The following KCNA7 variants were observed in gnomAD, a reference collection of about 807,000 sequenced individuals.
KCNA7 encodes potassium channel, voltage gated shaker related subfamily A, member 7.
Under a neutral mutation model 21.5 loss-of-function variants are expected in KCNA7, and 15 were observed. The ratio of observed to expected loss-of-function variants is 0.70; its 90% CI spans 0.47 to 1.07. KCNA7 has a LOEUF of 1.07. KCNA7 is among the 50% of genes least tolerant of loss of function. The pLI, the probability that KCNA7 is intolerant of heterozygous loss-of-function variation, is 0.00. For synonymous variants in KCNA7, 298 were observed against 291.0 expected, an observed-to-expected ratio of 1.02 and a Z score of -0.24; for missense variants, 640 against 651.6, an observed-to-expected ratio of 0.98 and a Z score of 0.19.
In KCNA7 at chr19:49,067,514, G is replaced by C. The variant is rs2040225266; in HGVS notation, c.*2549C>G. On this transcript the variant is annotated 3_prime_UTR_variant, in exon 2 of 2. Transcript: ENST00000221444. ...TTCCTCTAAATGCCCTTTGAGTTCT[G>C]AAAGATTTCTGAAAATGTTCGGCCT... The C allele has an allele frequency of 6.6e-6, 1 of 152,222 alleles. No individual in the cohort carries two copies. The highest frequency in any genetic ancestry group is 6.5e-5 in the Admixed American group (1 of 15,268). 9.4% of individuals were successfully genotyped at this position (152,222 alleles called of 1,614,324 possible).
Position 49,071,554 on chromosome 19 carries a change from T to TAA in KCNA7, c.555+476_555+477insTT, listed in dbSNP as rs1476567882. On this transcript the variant is annotated intron_variant, in intron 1 of 1. Coordinates refer to ENST00000221444, the MANE Select transcript of KCNA7 (RefSeq NM_031886.3). ...CTGGGCGACAGAGCAAGACTCTGTC[T>TAA]CACAGGAAATAAAAAAAAAAAGACC... is the stretch of plus-strand genomic sequence containing the variant. Among the ~76,000 whole-genome samples the TAA allele has an allele frequency of 3.8e-4, 56 of 147,386 alleles. No homozygotes were observed. In the Middle Eastern group the frequency reaches 0.027, roughly 72 times the overall value.
Position 49,072,566 on chromosome 19 carries a change from G to A in KCNA7, c.20C>T (p.Pro7Leu), listed in dbSNP as rs1277371687. 1 of 1,343,646 alleles carries A rather than the reference G, an allele frequency of 7.4e-7. No homozygotes were observed. The highest frequency in any genetic ancestry group is 9.5e-7 in the Non-Finnish European group (1 of 1,054,046). The allele number at this position is 1,343,646 out of a possible 1,614,324, so 83.2% of individuals were successfully genotyped here. MEPRCP[P>L]PCGCCERLVL... ...CAGCCGCTCGCAGCAGCCGCACGGC[G>A]GCGGGCACCGCGGCTCCATGGCGCG... Residue 7 changes from proline (P) to leucine (L), a missense_variant, in exon 1 of 2, where the codon CCG (proline) becomes CTG (leucine). Transcript: ENST00000221444.
At position 49,068,948 on chromosome 19, in the gene KCNA7, G is replaced by A. The variant is rs963450011; in HGVS notation, c.*1115C>T. On this transcript the variant is annotated 3_prime_UTR_variant, in exon 2 of 2. Transcript: ENST00000221444. ...AATGAAGTGGATGTGGGGTAAACAG[G>A]AGGAGCATCCACCTCTTCCTAATTT... 2 of 152,164 alleles carry A rather than the reference G, an allele frequency of 1.3e-5. No individual in the cohort carries two copies. Among genetic ancestry groups the A allele is most frequent in the African/African-American group, 4.8e-5 (2 of 41,410 alleles). The allele number at this position is 152,164 out of a possible 1,614,324, so 9.4% of individuals were successfully genotyped here. A position where few individuals can be genotyped will look rare whatever the true frequency, so the allele number is the denominator to read the frequency against.
At chr19:49,071,780 C>G (rs900445003) in intron 1 of KCNA7, among the ~76,000 whole-genome samples, 5 of 152,156 alleles carry the variant, frequency 3.3e-5, no homozygotes, top group African/African-American at 1.2e-4. Context: ...TTTTAAGGTT[C>G]CTGTCCTCCT....
In KCNA7 at chr19:49,072,496, C is replaced by G. The variant is rs2040267516; in HGVS notation, c.90G>C (p.Thr30=). ...GCAGAGTGTCCGGGAAGCGGCCCAGCGTGCGCGCCCGCGTCTCGAAGCGCA... is the reference window on the plus strand; with the variant it reads ...GCAGAGTGTCCGGGAAGCGGCCCAGGGTGCGCGCCCGCGTCTCGAAGCGCA... The part of the protein sequence containing the change: ...AGLRFETRAR[T]LGRFPDTLLG... Residue 30 remains threonine (T), a synonymous_variant, in exon 1 of 2, where the codon ACG becomes ACC. Coordinates refer to ENST00000221444, the MANE Select transcript of KCNA7 (RefSeq NM_031886.3). The G allele has an allele frequency of 1.3e-6, 2 of 1,497,916 alleles. No individual in the cohort carries two copies. Among genetic ancestry groups the G allele is most frequent in the Non-Finnish European group, 1.8e-6 (2 of 1,135,260 alleles). The allele number at this position is 1,497,916 out of a possible 1,614,324, so 92.8% of individuals were successfully genotyped here. A position where few individuals can be genotyped will look rare whatever the true frequency, so the allele number is the denominator to read the frequency against.
At position 49,072,028 on chromosome 19, in the gene KCNA7, C is replaced by G. The variant is rs751489237; in HGVS notation, c.555+3G>C. 3.1e-6 allele frequency: 5 copies of G among 1,592,698 alleles called. No homozygotes were observed. Among genetic ancestry groups the G allele is most frequent in the Non-Finnish European group, 4.3e-6 (5 of 1,171,306 alleles). ...CCGTCTCCACCCACGCCCCGCCTCTCACCGGGCCGGCTGCGGCTGCAGCAG... is the reference window on the plus strand; with the variant it reads ...CCGTCTCCACCCACGCCCCGCCTCTGACCGGGCCGGCTGCGGCTGCAGCAG... On this transcript the variant is annotated splice_donor_region_variant and intron_variant, in intron 1 of 1. Coordinates refer to ENST00000221444, the MANE Select transcript of KCNA7 (RefSeq NM_031886.3).
rs759667585 is a variant in KCNA7 at position 49,070,477 on chromosome 19, G to A, written c.957C>T (p.Leu319=). ...TGGAAAAGAGGACCACACCGATGAA[G>A]AGGAAAAAGATGAGGAGGCCCAGCT... ...MRELGLLIFF[L]FIGVVLFSSA... Residue 319 remains leucine, a synonymous_variant, in exon 2 of 2, where the codon CTC becomes CTT. Coordinates refer to ENST00000221444, the MANE Select transcript of KCNA7 (RefSeq NM_031886.3). The surrounding 1 kb of genome is among the most constrained non-coding windows in gnomAD (Gnocchi z 4.3). 1.9e-6 allele frequency: 3 copies of A among 1,614,124 alleles called. No homozygotes were observed. The highest frequency in any genetic ancestry group is 2.5e-6 in the Non-Finnish European group (3 of 1,180,006).
Position 49,072,588 on chromosome 19 carries a change from C to A in KCNA7, c.-3G>T, listed in dbSNP as rs2040268481. The A allele has an allele frequency of 4.0e-6, 5 of 1,260,680 alleles. No individual in the cohort carries two copies. The highest frequency in any genetic ancestry group is 5.0e-6 in the Non-Finnish European group (5 of 1,007,860). The allele number at this position is 1,260,680 out of a possible 1,614,324, so 78.1% of individuals were successfully genotyped here. On this transcript the variant is annotated 5_prime_UTR_variant, in exon 1 of 2. Coordinates refer to ENST00000221444, the MANE Select transcript of KCNA7 (RefSeq NM_031886.3). The stretch of plus-strand genomic sequence containing the variant: ...GGCGGCGGGCACCGCGGCTCCATGG[C>A]GCGCGCAGCCCCGGCGACCCGCGAA...
At chr19:49,071,912 C>G in intron 1 of KCNA7, 119 bp downstream of exon 1, 5 of 553,958 alleles carry the variant, frequency 9.0e-6, no homozygotes, top group East Asian at 4.9e-5. Context: ...CCCACCCTGT[C>G]TTCGGCTGGC....
chr19:49,072,035 C>G lies in KCNA7; in HGVS notation c.551G>C (p.Gly184Ala). Residue 184 changes from glycine (G) to alanine (A), a missense_variant, in exon 1 of 2, where the codon GGC (glycine) becomes GCC (alanine). Physicochemically the swap from Gly to Ala is moderately conservative, Grantham distance 60. Transcript: ENST00000221444. ...GTGLAAAAAA[G>A]PFPAPLNGSS... The stretch of plus-strand genomic sequence containing the variant: ...CACCCACGCCCCGCCTCTCACCGGG[C>G]CGGCTGCGGCTGCAGCAGCAAGCCC... 1 of 1,596,926 alleles carries G rather than the reference C, an allele frequency of 6.3e-7. No homozygotes were observed. Among genetic ancestry groups the G allele is most frequent in the East Asian group, 2.3e-5 (1 of 44,102 alleles).
Position 49,069,870 on chromosome 19 carries a change from T to C in KCNA7, c.*193A>G, listed in dbSNP as rs1483044734. The stretch of plus-strand genomic sequence containing the variant: ...AACACAACCCATTGCCATTCGCTGC[T>C]GCTTCAGGAGGTACCCACAGGAGCT... On this transcript the variant is annotated 3_prime_UTR_variant, in exon 2 of 2. Transcript: ENST00000221444. The C allele has an allele frequency of 3.4e-6, 2 of 582,560 alleles. No individual in the cohort carries two copies. Among genetic ancestry groups the C allele is most frequent in the Non-Finnish European group, 6.1e-6 (2 of 328,336 alleles). 36.1% of individuals were successfully genotyped at this position (582,560 alleles called of 1,614,324 possible). A position where few individuals can be genotyped will look rare whatever the true frequency, so the allele number is the denominator to read the frequency against.
Position 49,072,333 on chromosome 19 carries a change from G to T in KCNA7, c.253C>A (p.Pro85Thr), listed in dbSNP as rs1253551350. ...GGRLRRPAHV[P>T]LDVFLEEVAF... ...ACCTCTTCCAGGAAGACGTCGAGCG[G>T]CACGTGCGCCGGCCGCCGCAGCCGC... The change falls in exon 1 of 2, where the codon CCG becomes ACG. Residue 85 changes from proline (P) to threonine (T), a missense_variant. Coordinates refer to ENST00000221444, the MANE Select transcript of KCNA7 (RefSeq NM_031886.3). 6.3e-7 allele frequency: 1 copy of T among 1,591,964 alleles called. No homozygotes were observed.
intron 1 of KCNA7, among the ~76,000 whole-genome samples, chr19:49,071,158 C>A (rs1298304933): frequency 5.9e-5 from 9 of 152,126 alleles, no homozygotes. Flanking sequence ...AACCTCTTCT[C>A]TCTCAAAGTC....
chr19:49,071,118 T>C lies in KCNA7; in HGVS notation c.556-240A>G, dbSNP rs61697570. Among the ~76,000 whole-genome samples the C allele has an allele frequency of 1.5e-3, 234 of 152,178 alleles. 1 individual carries two copies. Among genetic ancestry groups the C allele is most frequent in the African/African-American group, 5.5e-3 (228 of 41,530 alleles). ...TGGAGACGTGGTCCCTGCCCCTTCA[T>C]GCGTGGGAACTCATGTTTGAGTAGG... On this transcript the variant is annotated intron_variant, in intron 1 of 1. Coordinates refer to ENST00000221444, the MANE Select transcript of KCNA7 (RefSeq NM_031886.3).
rs201357578 is a variant in KCNA7 at position 49,070,735 on chromosome 19, G to A, written c.699C>T (p.Ser233=). Reference sequence around the variant, plus strand: ...TCACGTTCTTGAAGAAGATAGCCTTGCTTGGACAGACCAGGAGGCGTACCA... The same window carrying A: ...TCACGTTCTTGAAGAAGATAGCCTTACTTGGACAGACCAGGAGGCGTACCA... ...ELLVRLLVCP[S]KAIFFKNVMN... The change falls in exon 2 of 2, where the codon AGC becomes AGT. Residue 233 remains serine (S), a synonymous_variant. Coordinates refer to ENST00000221444, the MANE Select transcript of KCNA7 (RefSeq NM_031886.3). This position sits in a 1 kb window ranked among gnomAD's most constrained non-coding sequence, Gnocchi z 4.3. 1,328 of 1,614,214 alleles carry A rather than the reference G, an allele frequency of 8.2e-4. 1 individual carries two copies. The highest frequency in any genetic ancestry group is 1.0e-3 in the Non-Finnish European group (1,211 of 1,180,054).
At position 49,069,009 on chromosome 19, in the gene KCNA7, G is replaced by A. The variant is rs558193275; in HGVS notation, c.*1054C>T. 6.6e-6 allele frequency: 1 copy of A among 152,228 alleles called. No individual in the cohort carries two copies. The highest frequency in any genetic ancestry group is 2.1e-4 in the South Asian group (1 of 4,810). 9.4% of individuals were successfully genotyped at this position (152,228 alleles called of 1,614,324 possible). On this transcript the variant is annotated 3_prime_UTR_variant, in exon 2 of 2. Coordinates refer to ENST00000221444, the MANE Select transcript of KCNA7 (RefSeq NM_031886.3). ...CTCTGGATGAACACCCAATCCCATG[G>A]ATACAGAATCCAGTCCCGCCCCCTA...
rs2040244546 is a variant in KCNA7 at position 49,069,990 on chromosome 19, A to T, written c.*73T>A. 1 of 1,151,616 alleles carries T rather than the reference A, an allele frequency of 8.7e-7. No homozygotes were observed. The highest frequency in any genetic ancestry group is 1.4e-5 in the South Asian group (1 of 68,978). The allele number at this position is 1,151,616 out of a possible 1,614,324, so 71.3% of individuals were successfully genotyped here. On this transcript the variant is annotated 3_prime_UTR_variant, in exon 2 of 2. Transcript: ENST00000221444. ...TTCCTAAACCCAATCCCCTCCCCCCAGCCTTGCCCTCCACCCTGCCCTCCC... is the reference window on the plus strand; with the variant it reads ...TTCCTAAACCCAATCCCCTCCCCCCTGCCTTGCCCTCCACCCTGCCCTCCC...
chr19:49,071,107 C>T (rs903578406), intron 1 of KCNA7, among the ~76,000 whole-genome samples: 1 of 152,108 alleles, frequency 6.6e-6, no homozygotes, highest in Non-Finnish European at 1.5e-5. Flanking sequence ...GACGTGGTCC[C>T]TGCCCCTTCA....
rs978367104 is a variant in KCNA7, at chr19:49,069,241, A to G, written c.*822T>C. The G allele has an allele frequency of 2.6e-5, 4 of 152,230 alleles. No homozygotes were observed. The highest frequency in any genetic ancestry group is 6.5e-5 in the Admixed American group (1 of 15,282). 9.4% of individuals were successfully genotyped at this position (152,230 alleles called of 1,614,324 possible). A position where few individuals can be genotyped will look rare whatever the true frequency, so the allele number is the denominator to read the frequency against. ...AGGACTCACATAGTGACACAACTCA[A>G]TGGAACTCAATTCAGCATGGCCCTA... On this transcript the variant is annotated 3_prime_UTR_variant, in exon 2 of 2. Coordinates refer to ENST00000221444, the MANE Select transcript of KCNA7 (RefSeq NM_031886.3).
Sources: allele counts gnomAD v4.1 joint callset (sites outside exome capture counted in the v4.1 genomes callset), GRCh38; gene constraint gnomAD v4.1.1; non-coding constraint Gnocchi (gnomAD v3.1); transcripts MANE v1.5; gene names NCBI Gene and HGNC (gene_info 2026-07-23, HGNC 2026-07-21).